The following SPINT2 variants were observed in gnomAD, a reference collection of about 807,000 sequenced individuals.
SPINT2 encodes serine peptidase inhibitor, Kunitz type 2, also known as kunitz-type protease inhibitor 2.
Under a neutral mutation model 30.1 loss-of-function variants are expected in SPINT2, and 18 were observed. That is an observed-to-expected ratio of 0.60 (90% confidence interval 0.41 to 0.89). The LOEUF is 0.89. Ranked by LOEUF, SPINT2 falls within the 40% of genes least tolerant of loss-of-function variation. SPINT2 has a pLI of 0.00. For synonymous variants in SPINT2, 139 were observed against 137.9 expected, an observed-to-expected ratio of 1.01 and a Z score of -0.05; for missense variants, 276 against 334.3, an observed-to-expected ratio of 0.83 and a Z score of 1.36.
Position 38,271,880 on chromosome 19 carries a change from C to G in SPINT2, c.106+6882C>G, listed in dbSNP as rs116589760. The stretch of plus-strand genomic sequence containing the variant: ...ACTCACACGTGTTGGAGATGGAGCT[C>G]AGGGTGATTCCTGACTGGGCCCAGG... On this transcript the variant is annotated intron_variant, in intron 1 of 6. Transcript: ENST00000301244. Among the ~76,000 whole-genome samples, 768 of 151,978 alleles carry G rather than the reference C, an allele frequency of 5.1e-3. 6 individuals carry two copies. Among genetic ancestry groups the G allele is most frequent in the African/African-American group, 0.017 (723 of 41,436 alleles).
At chr19:38,289,307 AC>A in intron 4 of SPINT2, 116 bp downstream of exon 4, 1 of 883,184 alleles carries the variant, frequency 1.1e-6, no homozygotes, top group South Asian at 1.3e-5. Flanking sequence ...ACATGGTGAA[AC>A]CCTGTCTCTA....
intron 1 of SPINT2, among the ~76,000 whole-genome samples, chr19:38,276,427 A>G (rs772447850): frequency 3.9e-5 from 6 of 152,146 alleles, no homozygotes; most frequent in East Asian, 3.9e-4. Flanking sequence ...TGGACTTACA[A>G]GGTCAGGAGA....
At chr19:38,289,113 C>T (rs1327305381) in intron 3 of SPINT2, 25 bp from the exon 4 acceptor site, 29 of 1,612,556 alleles carry the variant, frequency 1.8e-5, no homozygotes, top group Non-Finnish European at 2.4e-5. Flanking sequence ...GCCCAGCCTC[C>T]CTAACACAGA....
intron 4 of SPINT2, chr19:38,289,465 AC>A (rs1184409476): frequency 5.8e-6 from 1 of 172,412 alleles, no homozygotes; most frequent in Admixed American, 6.5e-5. Flanking sequence ...AGCCTGGGCA[AC>A]AGAGTGAGAC....
At chr19:38,267,215 G>T (rs571364453) in intron 1 of SPINT2, among the ~76,000 whole-genome samples, 1 of 152,226 alleles carries the variant, frequency 6.6e-6, no homozygotes, top group African/African-American at 2.4e-5. Context: ...CTCACTCATC[G>T]TAAGTTCTGT....
At chr19:38,283,584 G>C in intron 1 of SPINT2, 43 bp from the exon 2 acceptor site, 1 of 1,612,986 alleles carries the variant, frequency 6.2e-7, no homozygotes. Context: ...TTTGTTGCCA[G>C]GATTGCCCTG....
chr19:38,278,765 G>A (rs1017180187), intron 1 of SPINT2, among the ~76,000 whole-genome samples: 4 of 152,136 alleles, frequency 2.6e-5, no homozygotes, highest in African/African-American at 9.7e-5. Context: ...TCATGCCACT[G>A]TACTCCAGCC....
At position 38,292,081 on chromosome 19, in the gene SPINT2, T is replaced by A; in HGVS notation, c.*75T>A. On this transcript the variant is annotated 3_prime_UTR_variant, in exon 7 of 7. Transcript: ENST00000301244. ...GCTTTTTTTAAATAGAGGGATTGAC[T>A]CGGATTTGAGTGATCATTAGGGCTG... 2.6e-6 allele frequency: 4 copies of A among 1,552,884 alleles called. No homozygotes were observed. The highest frequency in any genetic ancestry group is 3.5e-6 in the Non-Finnish European group (4 of 1,142,870).
chr19:38,290,243 C>G lies in SPINT2; in HGVS notation c.516C>G (p.Ser172Arg). 1 of 1,612,320 alleles carries G rather than the reference C, an allele frequency of 6.2e-7. No homozygotes were observed. Among genetic ancestry groups the G allele is most frequent in the Non-Finnish European group, 8.5e-7 (1 of 1,180,018 alleles). Residue 172 changes from serine (S) to arginine (R), a missense_variant, in exon 5 of 7, where the codon AGC becomes AGG. Transcript: ENST00000301244. The surrounding 1 kb of genome is among the most constrained non-coding windows in gnomAD (Gnocchi z 4.3). ...IYGGCRGNKNSYRSEEACMLR... is the reference protein window; with the variant it reads ...IYGGCRGNKNRYRSEEACMLR... Reference sequence around the variant, plus strand: ...GAGGCTGCCGGGGCAATAAGAACAGCTACCGCTCTGAGGAGGCCTGCATGC... The same window carrying G: ...GAGGCTGCCGGGGCAATAAGAACAGGTACCGCTCTGAGGAGGCCTGCATGC...
chr19:38,289,731 C>T, intron 4 of SPINT2: 1 of 327,790 alleles, frequency 3.1e-6, no homozygotes, highest in Non-Finnish European at 5.9e-6. Flanking sequence ...GAGGCGTAGC[C>T]TGGCACGTGG....
chr19:38,292,042 G>A lies in SPINT2; in HGVS notation c.*36G>A. Reference sequence around the variant, plus strand: ...GCCAAGAGGACTGGGGAAGGGAGGGGAGACTATGTGTGAGCTTTTTTTAAA... The same window carrying A: ...GCCAAGAGGACTGGGGAAGGGAGGGAAGACTATGTGTGAGCTTTTTTTAAA... On this transcript the variant is annotated 3_prime_UTR_variant, in exon 7 of 7. Transcript: ENST00000301244. The A allele has an allele frequency of 6.2e-7, 1 of 1,611,654 alleles. No individual in the cohort carries two copies. The highest frequency in any genetic ancestry group is 8.5e-7 in the Non-Finnish European group (1 of 1,179,072).
At chr19:38,274,225 CA>C (rs34817794) in intron 1 of SPINT2, among the ~76,000 whole-genome samples, 31 of 136,404 alleles carry the variant, frequency 2.3e-4, no homozygotes, top group Admixed American at 2.9e-4. Flanking sequence ...GTCCCTGTCT[CA>C]AAAAAAAAAA....
At chr19:38,288,032 C>T in intron 3 of SPINT2, 97 bp downstream of exon 3, 2 of 1,445,852 alleles carry the variant, frequency 1.4e-6, no homozygotes, top group South Asian at 1.1e-5. Flanking sequence ...GCTTCCCTCT[C>T]ATGGTTCTGT....
intron 2 of SPINT2, among the ~76,000 whole-genome samples, chr19:38,285,297 C>G (rs1185622968): frequency 6.6e-6 from 1 of 152,124 alleles, no homozygotes; most frequent in Non-Finnish European, 1.5e-5. Flanking sequence ...CTGCTCCATC[C>G]CGAGTGTTCC....
At chr19:38,272,240 C>G (rs1968466200) in intron 1 of SPINT2, among the ~76,000 whole-genome samples, 1 of 152,024 alleles carries the variant, frequency 6.6e-6, no homozygotes, top group Non-Finnish European at 1.5e-5. Flanking sequence ...ATGTGTATGC[C>G]AGGGTCTGTC....
chr19:38,287,495 C>T (rs1053037368), intron 2 of SPINT2, among the ~76,000 whole-genome samples: 1 of 152,162 alleles, frequency 6.6e-6, no homozygotes, highest in Non-Finnish European at 1.5e-5. Context: ...CCGCACCCGG[C>T]CCTAACTTTT....
intron 1 of SPINT2, among the ~76,000 whole-genome samples, chr19:38,278,025 C>G (rs933919911): frequency 6.6e-6 from 1 of 152,170 alleles, no homozygotes; most frequent in African/African-American, 2.4e-5. Context: ...CTTCCCAATA[C>G]TATTCTAAGA....
rs1373846956 is a variant in SPINT2 at position 38,264,939 on chromosome 19, T to A, written c.47T>A (p.Leu16Gln). 2 of 1,536,494 alleles carry A rather than the reference T, an allele frequency of 1.3e-6. No homozygotes were observed. The highest frequency in any genetic ancestry group is 2.4e-5 in the South Asian group (2 of 83,934). ...AGGCGGAGCCGGGCGTTTCTCGCCCTGCTGGGATCGCTGCTCCTCTCTGGG... is the reference window on the plus strand; with the variant it reads ...AGGCGGAGCCGGGCGTTTCTCGCCCAGCTGGGATCGCTGCTCCTCTCTGGG... ...GLRRSRAFLA[L>Q]LGSLLLSGVL... The change falls in exon 1 of 7, where the codon CTG becomes CAG. Residue 16 changes from leucine to glutamine, a missense_variant. By Grantham distance (113) the Leu-to-Gln change is moderately radical. Transcript: ENST00000301244.
intron 2 of SPINT2, among the ~76,000 whole-genome samples, chr19:38,284,552 C>G (rs1432112060): frequency 6.6e-6 from 1 of 152,042 alleles, no homozygotes; most frequent in Non-Finnish European, 1.5e-5. Context: ...CACAGCAGAC[C>G]CTCACTCCTC....
Sources: allele counts gnomAD v4.1 joint callset (sites outside exome capture counted in the v4.1 genomes callset), GRCh38; gene constraint gnomAD v4.1.1; non-coding constraint Gnocchi (gnomAD v3.1); transcripts MANE v1.5; gene names NCBI Gene and HGNC (gene_info 2026-07-23, HGNC 2026-07-21).